The following ABHD3 variants were observed in gnomAD, a reference collection of about 807,000 sequenced individuals.
ABHD3 encodes the protein abhydrolase domain containing 3, phospholipase, also known as phospholipase ABHD3.
Under a neutral mutation model 48.8 loss-of-function variants are expected in ABHD3, and 46 were observed. That is an observed-to-expected ratio of 0.94 (90% CI 0.74 to 1.20). The LOEUF is 1.20. Among genes scored for constraint, ABHD3 ranks in the 50% most tolerant of loss-of-function variants. ABHD3 has a pLI of 0.00. For synonymous variants in ABHD3, 192 were observed against 183.7 expected (o/e 1.04, Z -0.36); for missense variants, 490 against 497.8 (o/e 0.98, Z 0.15).
intron 4 of ABHD3, among the ~76,000 whole-genome samples, chr18:21,681,040 A>G (rs1029980613): frequency 1.3e-5 from 2 of 151,784 alleles, no homozygotes; most frequent in Admixed American, 6.6e-5. Flanking sequence ...TTGTTTCTTA[A>G]GCTTCTAACC....
intron 3 of ABHD3, among the ~76,000 whole-genome samples, chr18:21,700,681 T>C (rs1331985662): frequency 3.3e-5 from 5 of 152,052 alleles, no homozygotes; most frequent in Non-Finnish European, 7.3e-5. Context: ...ATTACAGGCG[T>C]CAGCCACTGC....
At position 21,656,989 on chromosome 18, in the gene ABHD3, G is replaced by A; in HGVS notation, c.929C>T (p.Ser310Leu). The A allele has an allele frequency of 6.2e-7, 1 of 1,614,034 alleles. No homozygotes were observed. Among genetic ancestry groups the A allele is most frequent in the Non-Finnish European group, 8.5e-7 (1 of 1,180,000 alleles). The part of the protein sequence containing the change: ...SIREFDKRFT[S>L]VMFGYQTIDD... ...AATTGTTTGGTATCCAAACATGACT[G>A]AAGTGAATCGCTTATCAAACTCTCT... The change falls in exon 8 of 9, where the codon TCA (serine) becomes TTA (leucine). Residue 310 changes from serine to leucine, a missense_variant. By Grantham distance (145) the Ser-to-Leu change is moderately radical (BLOSUM62 -2). Transcript: ENST00000289119.
At chr18:21,668,091 C>T (rs2039675819) in intron 4 of ABHD3, among the ~76,000 whole-genome samples, 1 of 148,900 alleles carries the variant, frequency 6.7e-6, no homozygotes, top group South Asian at 2.1e-4. Flanking sequence ...GTCCCAGCTA[C>T]TCAGGAGGCT....
rs1294860722 is a variant in ABHD3 at position 21,657,156 on chromosome 18, G to A, written c.843-4C>T. The A allele has an allele frequency of 6.3e-7, 1 of 1,596,112 alleles. No individual in the cohort carries two copies. Among genetic ancestry groups the A allele is most frequent in the Non-Finnish European group, 8.5e-7 (1 of 1,172,346 alleles). On this transcript the variant is annotated splice_region_variant and splice_polypyrimidine_tract_variant and intron_variant, in intron 6 of 8. Coordinates refer to ENST00000289119, the MANE Select transcript of ABHD3 (RefSeq NM_138340.5). ...TTTTACAAACATATGTCGGTGCCTG[G>A]AACAAAAGAATTTCGGAAGTAAAAA...
intron 8 of ABHD3, among the ~76,000 whole-genome samples, chr18:21,656,381 G>A (rs965189552): frequency 1.3e-5 from 2 of 152,040 alleles, no homozygotes; most frequent in Non-Finnish European, 2.9e-5. Flanking sequence ...AAAAGGAAAG[G>A]ATGTTTCTCT....
chr18:21,704,265 C>G (rs1338000601), intron 1 of ABHD3, among the ~76,000 whole-genome samples: 1 of 152,200 alleles, frequency 6.6e-6, no homozygotes, highest in African/African-American at 2.4e-5. Flanking sequence ...AGCGCCGCAG[C>G]GCAGAAGTCA....
intron 3 of ABHD3, among the ~76,000 whole-genome samples, chr18:21,697,370 G>C (rs1241535442): frequency 6.6e-6 from 1 of 150,704 alleles, no homozygotes; most frequent in East Asian, 2.0e-4. Context: ...ACCGTGCCCA[G>C]CCTATTTATC....
In ABHD3 at chr18:21,666,382, T is replaced by C. The variant is rs577118637; in HGVS notation, c.556-2152A>G. On this transcript the variant is annotated intron_variant, in intron 4 of 8. Coordinates refer to ENST00000289119, the MANE Select transcript of ABHD3 (RefSeq NM_138340.5). ...CTAATTTTTGTATTTTTAGTAGAGA[T>C]GGGGTTTCACCATGTTGGCCAGGCT... is the stretch of plus-strand genomic sequence containing the variant. Among the ~76,000 whole-genome samples the C allele has an allele frequency of 5.3e-5, 8 of 152,200 alleles. No individual in the cohort carries two copies. In the South Asian group the frequency reaches 6.2e-4, roughly 12 times the overall value.
intron 4 of ABHD3, chr18:21,682,562 G>C (rs2040027739): frequency 6.6e-6 from 1 of 152,176 alleles, no homozygotes; most frequent in South Asian, 2.1e-4. Context: ...CTAAAGATTA[G>C]GGCTGTGTCT....
At chr18:21,673,731 G>C (rs148041777) in intron 4 of ABHD3, 5 of 152,554 alleles carry the variant, frequency 3.3e-5, no homozygotes, top group Non-Finnish European at 7.3e-5. Flanking sequence ...TCAGCCTCCT[G>C]AGTAGCTGGG....
At chr18:21,683,518 A>C (rs2040055268) in intron 4 of ABHD3, 1 of 513,570 alleles carries the variant, frequency 1.9e-6, no homozygotes, top group African/African-American at 2.0e-5. Context: ...GTTTTGCATT[A>C]AAAATGAGGC....
At chr18:21,670,824 G>A (rs2039741239) in intron 4 of ABHD3, among the ~76,000 whole-genome samples, 1 of 152,140 alleles carries the variant, frequency 6.6e-6, no homozygotes, top group African/African-American at 2.4e-5. Flanking sequence ...AGACCAGTCT[G>A]AACAACATGG....
At chr18:21,682,081 G>T (rs1377266895) in intron 4 of ABHD3, 2 of 152,522 alleles carry the variant, frequency 1.3e-5, no homozygotes, top group Non-Finnish European at 2.9e-5. Flanking sequence ...AGGCTACAGT[G>T]AGCCATGATT....
rs1327150174 is a variant in ABHD3, at chr18:21,704,770, A to T, written c.-105T>A. The T allele has an allele frequency of 9.4e-7, 1 of 1,064,460 alleles. No homozygotes were observed. The highest frequency in any genetic ancestry group is 2.2e-5 in the African/African-American group (1 of 44,594). The allele number at this position is 1,064,460 out of a possible 1,614,324, so 65.9% of individuals were successfully genotyped here. Reference sequence around the variant, plus strand: ...GCGGCGCCGCTGCCTACTCCCGACCACAGTGTCTCCTGCCTGGCGGAGCGC... The same window carrying T: ...GCGGCGCCGCTGCCTACTCCCGACCTCAGTGTCTCCTGCCTGGCGGAGCGC... On this transcript the variant is annotated 5_prime_UTR_variant, in exon 1 of 9. Transcript: ENST00000289119.
chr18:21,671,534 C>T (rs8096079), intron 4 of ABHD3, among the ~76,000 whole-genome samples: 2,689 of 152,142 alleles, frequency 0.018, 73 homozygotes, highest in African/African-American at 0.059. Context: ...ATGCAACTGG[C>T]AGCTATCCTT....
intron 3 of ABHD3, 44 bp downstream of exon 3, chr18:21,702,272 T>A: frequency 6.9e-7 from 1 of 1,440,842 alleles, no homozygotes; most frequent in Non-Finnish European, 9.3e-7. Context: ...TTGTACTTCA[T>A]TTGGAATGGA....
chr18:21,700,679 C>A (rs1397188497), intron 3 of ABHD3, among the ~76,000 whole-genome samples: 2 of 151,970 alleles, frequency 1.3e-5, no homozygotes, highest in East Asian at 1.9e-4. Flanking sequence ...TTATTACAGG[C>A]GTCAGCCACT....
chr18:21,654,587 G>A (rs1376938536), intron 8 of ABHD3, among the ~76,000 whole-genome samples: 3 of 152,142 alleles, frequency 2.0e-5, no homozygotes, highest in African/African-American at 7.2e-5. Flanking sequence ...AACTTAAGGG[G>A]GAATGGCTGA....
At chr18:21,700,032 C>T (rs1448404523) in intron 3 of ABHD3, among the ~76,000 whole-genome samples, 1 of 152,046 alleles carries the variant, frequency 6.6e-6, no homozygotes, top group Non-Finnish European at 1.5e-5. Flanking sequence ...CTGGCAACTC[C>T]AGAGCTTATA....
Sources: gnomAD v4.1 joint callset for allele counts (sites outside exome capture counted in the v4.1 genomes callset) on GRCh38, gnomAD v4.1.1 for gene constraint, MANE v1.5 for transcripts, NCBI Gene and HGNC (gene_info 2026-07-23, HGNC 2026-07-21) for gene names.